TRPC6: variants seen among roughly 807,000 people sequenced by gnomAD.
TRPC6 encodes transient receptor potential cation channel subfamily C member 6.
Under a neutral mutation model 90.7 loss-of-function variants are expected in TRPC6, and 55 were observed. That is an observed-to-expected ratio of 0.61 (90% CI 0.49 to 0.76). The LOEUF (loss-of-function observed/expected upper bound fraction) is 0.76, where lower values mean the gene tolerates loss of function less well. Among genes scored for constraint, TRPC6 ranks in the 30% least tolerant of loss-of-function variants. TRPC6 has a pLI of 0.00. For missense variants in TRPC6, 989 were observed against 1,122.7 expected, an observed-to-expected ratio of 0.88 and a Z score of 1.70; for synonymous variants, 393 against 393.0, an observed-to-expected ratio of 1.00 and a Z score of 0.00.
chr11:101,509,588 T>G (rs1860353081), intron 1 of TRPC6, among the ~76,000 whole-genome samples: 1 of 152,178 alleles, frequency 6.6e-6, no homozygotes, highest in African/African-American at 2.4e-5. Flanking sequence ...TCCTGCCCAT[T>G]TATTTGAAAA....
At chr11:101,498,583 T>C (rs1860009828) in intron 2 of TRPC6, among the ~76,000 whole-genome samples, 2 of 152,180 alleles carry the variant, frequency 1.3e-5, no homozygotes, top group African/African-American at 4.8e-5. Flanking sequence ...TTTGTTAATG[T>C]ACTATGGGTT....
At chr11:101,581,459 T>G (rs1862194802) in intron 1 of TRPC6, among the ~76,000 whole-genome samples, 1 of 152,208 alleles carries the variant, frequency 6.6e-6, no homozygotes, top group Non-Finnish European at 1.5e-5. Flanking sequence ...AATCATTTTT[T>G]GACAGACACA....
intron 2 of TRPC6, among the ~76,000 whole-genome samples, chr11:101,492,911 C>T (rs1859862644): frequency 6.6e-6 from 1 of 152,204 alleles, no homozygotes; most frequent in South Asian, 2.1e-4. Flanking sequence ...TGAGACTCTT[C>T]TCTTTAGAGA....
chr11:101,545,506 C>T (rs771901096), intron 1 of TRPC6, among the ~76,000 whole-genome samples: 1 of 152,138 alleles, frequency 6.6e-6, no homozygotes, highest in Non-Finnish European at 1.5e-5. Context: ...ATAAACAAAA[C>T]TTCTATTTTA....
intron 2 of TRPC6, among the ~76,000 whole-genome samples, chr11:101,494,377 T>C (rs1013669593): frequency 6.6e-6 from 1 of 152,156 alleles, no homozygotes; most frequent in Non-Finnish European, 1.5e-5. Flanking sequence ...ATTAAAGAGA[T>C]TATGCATGCC....
At chr11:101,527,645 T>C (rs1223194173) in intron 1 of TRPC6, among the ~76,000 whole-genome samples, 8 of 152,184 alleles carry the variant, frequency 5.3e-5, no homozygotes, top group Admixed American at 5.2e-4. Context: ...AATTTGAATT[T>C]TGCTAATCAA....
At chr11:101,470,901 A>T (rs560538084) in intron 9 of TRPC6, among the ~76,000 whole-genome samples, 1 of 149,958 alleles carries the variant, frequency 6.7e-6, no homozygotes, top group African/African-American at 2.4e-5. Context: ...CCATAACAGC[A>T]AAAAAGCAGC....
chr11:101,475,927 T>C (rs912473102), intron 6 of TRPC6, among the ~76,000 whole-genome samples: 1 of 151,354 alleles, frequency 6.6e-6, no homozygotes, highest in Admixed American at 6.6e-5. Context: ...TATATACATA[T>C]ACATATATAT....
chr11:101,474,605 TTTAA>T lies in TRPC6; in HGVS notation c.1745-836_1745-833del, dbSNP rs572913105. On this transcript the variant is annotated intron_variant, in intron 6 of 12. Coordinates refer to ENST00000344327, the MANE Select transcript of TRPC6 (RefSeq NM_004621.6). ...TTATCTACAAATAGCTTTGAATTTT[TTTAA>T]TTAAGTGCATTTTAAAAAATCTTAA... Among the ~76,000 whole-genome samples, 11 of 152,282 alleles carry T rather than the reference TTTAA, an allele frequency of 7.2e-5. No homozygotes were observed. The South Asian group carries it at 2.1e-3, about 29-fold the overall frequency.
chr11:101,508,448 G>C (rs963721519), intron 1 of TRPC6, among the ~76,000 whole-genome samples: 6 of 152,096 alleles, frequency 3.9e-5, no homozygotes, highest in African/African-American at 7.2e-5. Context: ...GATGGATGAG[G>C]TAGAAGAGAC....
At chr11:101,471,032 C>T in intron 9 of TRPC6, 151 bp downstream of exon 9, 1 of 729,548 alleles carries the variant, frequency 1.4e-6, no homozygotes, top group East Asian at 2.5e-5. Context: ...TGAACAGACA[C>T]AAGCCAAAGG....
At chr11:101,538,917 T>C (rs1477431001) in intron 1 of TRPC6, among the ~76,000 whole-genome samples, 2 of 152,152 alleles carry the variant, frequency 1.3e-5, no homozygotes, top group Non-Finnish European at 2.9e-5. Context: ...TGAATGAACA[T>C]GGAAGTGAAC....
intron 5 of TRPC6, among the ~76,000 whole-genome samples, chr11:101,477,174 A>C (rs1859436791): frequency 6.7e-6 from 1 of 148,460 alleles, no homozygotes. Context: ...CTTTCCTTAG[A>C]CTGTGTAAAG....
intron 1 of TRPC6, among the ~76,000 whole-genome samples, chr11:101,568,401 A>G (rs1236176390): frequency 1.3e-5 from 2 of 152,242 alleles, no homozygotes; most frequent in African/African-American, 4.8e-5. Context: ...TGTACCTGAA[A>G]GTGATGGGAA....
chr11:101,525,782 G>A (rs1331763619), intron 1 of TRPC6, among the ~76,000 whole-genome samples: 1 of 152,146 alleles, frequency 6.6e-6, no homozygotes, highest in Non-Finnish European at 1.5e-5. Flanking sequence ...AGCATAATGT[G>A]GAGACACTGA....
chr11:101,560,937 A>G (rs77467446), intron 1 of TRPC6, among the ~76,000 whole-genome samples: 4,264 of 152,278 alleles, frequency 0.028, 187 homozygotes, highest in African/African-American at 0.084. Flanking sequence ...ACTACCCACA[A>G]TAGGGTCTCA....
intron 2 of TRPC6, among the ~76,000 whole-genome samples, 156 bp from the exon 3 acceptor site, chr11:101,491,894 G>A (rs1405083151): frequency 1.5e-5 from 2 of 135,772 alleles, no homozygotes; most frequent in African/African-American, 5.7e-5. Flanking sequence ...AGGCTGGAGT[G>A]CAGTGGCACA....
rs78439669 is a variant in TRPC6 at position 101,563,809 on chromosome 11, G to A, written c.170+19525C>T. 2.7e-3 allele frequency among the ~76,000 whole-genome samples: 408 copies of A among 152,248 alleles called. 2 individuals carry two copies. The highest frequency in any genetic ancestry group is 9.5e-3 in the African/African-American group (394 of 41,542). ...GAGGGGCTATAAAGCCAAGGTGAGG[G>A]CAGTACAGGCCTCCGCATCTGTCTA... On this transcript the variant is annotated intron_variant, in intron 1 of 12. Coordinates refer to ENST00000344327, the MANE Select transcript of TRPC6 (RefSeq NM_004621.6).
chr11:101,503,265 T>A (rs1860174092), intron 2 of TRPC6, among the ~76,000 whole-genome samples: 1 of 152,168 alleles, frequency 6.6e-6, no homozygotes, highest in Non-Finnish European at 1.5e-5. Flanking sequence ...ATACCTCTTA[T>A]TAAGAGATTG....
Sources: gnomAD v4.1 joint callset for allele counts (sites outside exome capture counted in the v4.1 genomes callset) on GRCh38, gnomAD v4.1.1 for gene constraint, MANE v1.5 for transcripts, NCBI Gene and HGNC (gene_info 2026-07-23, HGNC 2026-07-21) for gene names.